Variants in MBD6 observed in about 807,000 individuals in gnomAD.
MBD6 encodes methyl-CpG-binding domain protein 6.
Under a neutral mutation model 66.8 loss-of-function variants are expected in MBD6, and 22 were observed. That is an observed-to-expected ratio of 0.33 (90% CI 0.24 to 0.47). The LOEUF (loss-of-function observed/expected upper bound fraction) is 0.47, where lower values mean the gene tolerates loss of function less well. Ranked by LOEUF, MBD6 falls within the 20% of genes least tolerant of loss-of-function variation. MBD6 has a pLI of 1.00. For synonymous variants in MBD6, 540 were observed against 534.6 expected, an observed-to-expected ratio of 1.01 and a Z score of -0.14; for missense variants, 1,322 against 1,286.9, an observed-to-expected ratio of 1.03 and a Z score of -0.42.
In MBD6 at chr12:57,527,157, C is replaced by G. The variant is rs767616733; in HGVS notation, c.2012C>G (p.Pro671Arg). 2.1e-5 allele frequency: 31 copies of G among 1,507,416 alleles called. No homozygotes were observed. The highest frequency in any genetic ancestry group is 2.7e-5 in the Non-Finnish European group (30 of 1,118,402). 93.4% of individuals were successfully genotyped at this position (1,507,416 alleles called of 1,614,324 possible). ...CTTTTCCCCCCACTTTCAGCCCCCC[C>G]TACCCTCATAGCTTTAAATTCTGCG... ...PLLFPPLSAP[P>R]TLIALNSALL... The change falls in exon 7 of 13, where the codon CCT becomes CGT. Residue 671 changes from proline (P) to arginine (R), a missense_variant. Pro to Arg is a moderately radical substitution (Grantham distance 103). Transcript: ENST00000355673.
In MBD6 at chr12:57,525,641, C is replaced by G. The variant is rs757832372; in HGVS notation, c.673C>G (p.Pro225Ala). The G allele has an allele frequency of 1.2e-6, 2 of 1,613,912 alleles. No individual in the cohort carries two copies. Among genetic ancestry groups the G allele is most frequent in the South Asian group, 1.1e-5 (1 of 91,084 alleles). The change falls in exon 6 of 13, where the codon CCC becomes GCC. Residue 225 changes from proline (P) to alanine (A), a missense_variant. Transcript: ENST00000355673. Reference sequence around the variant, plus strand: ...TCCACCTGCTATCAGCCTCAATGCTCCCTCATACAACTGGGGAGCTGCCCT... The same window carrying G: ...TCCACCTGCTATCAGCCTCAATGCTGCCTCATACAACTGGGGAGCTGCCCT... Reference protein sequence around the residue: ...PPPPAISLNAPSYNWGAALRS... With the variant: ...PPPPAISLNAASYNWGAALRS...
Position 57,524,727 on chromosome 12 carries a change from G to T in MBD6, c.121G>T (p.Gly41Cys). Residue 41 changes from glycine to cysteine, a missense_variant, in exon 4 of 13, where the codon GGC becomes TGC. Physicochemically the swap from Gly to Cys is radical, Grantham distance 159 (BLOSUM62 -3). Coordinates refer to ENST00000355673, the MANE Select transcript of MBD6 (RefSeq NM_052897.4). ...EGAVLYISPS[G>C]TELSSLEQTR... ...GACCCTGTCCTCTCGCAGTCCAAGT[G>T]GCACAGAGCTGTCTTCCTTGGAGCA... 1 of 1,614,142 alleles carries T rather than the reference G, an allele frequency of 6.2e-7. No individual in the cohort carries two copies. The highest frequency in any genetic ancestry group is 8.5e-7 in the Non-Finnish European group (1 of 1,180,016).
chr12:57,525,004 G>C lies in MBD6; in HGVS notation c.268G>C (p.Gly90Arg). 1.2e-6 allele frequency: 2 copies of C among 1,611,040 alleles called. No homozygotes were observed. The highest frequency in any genetic ancestry group is 1.3e-5 in the African/African-American group (1 of 74,922). The change falls in exon 5 of 13, where the codon GGG (glycine) becomes CGG (arginine). Residue 90 changes from glycine (G) to arginine (R), a missense_variant. Transcript: ENST00000355673. ...GGTGACCCCGGGTGGGGCTGGGGTG[G>C]GGCCAGCATCAGAGGAGGACATGAC... ...APVTPGGAGV[G>R]PASEEDMTKL... is the part of the protein sequence containing the mutation.
chr12:57,531,441 C>T (rs147687491), downstream of MBD6, among the ~76,000 whole-genome samples: 357 of 152,198 alleles, frequency 2.3e-3, 2 homozygotes, highest in African/African-American at 8.3e-3. Flanking sequence ...TGCTTGAGCC[C>T]GGGAGGTGGA....
intron 5 of MBD6, 53 bp from the exon 6 acceptor site, chr12:57,525,293 AAG>A (rs1342927151): frequency 1.3e-6 from 2 of 1,524,018 alleles, no homozygotes; most frequent in African/African-American, 1.4e-5. Context: ...GAGAAGACAA[AAG>A]AGTTTTTGGA....
chr12:57,527,253 AC>A, intron 7 of MBD6, 26 bp downstream of exon 7: 1 of 1,395,494 alleles, frequency 7.2e-7, no homozygotes, highest in Non-Finnish European at 9.7e-7. Context: ...AGTAGGTGGG[AC>A]AGAACAAGAT....
At chr12:57,527,815 A>G (rs753536685) in intron 8 of MBD6, 33 bp from the exon 9 acceptor site, 1 of 1,608,596 alleles carries the variant, frequency 6.2e-7, no homozygotes, top group East Asian at 2.2e-5. Flanking sequence ...TGGTTTGCCT[A>G]GGGAGAGACC....
rs773767141 is a variant in MBD6 at position 57,525,949 on chromosome 12, G to A, written c.981G>A (p.Ala327=). The A allele has an allele frequency of 1.1e-4, 178 of 1,612,574 alleles. No individual in the cohort carries two copies. The highest frequency in any genetic ancestry group is 2.5e-4 in the East Asian group (11 of 44,798). ...PFLASSLLSA[A]AKAQHPPLPP... The stretch of plus-strand genomic sequence containing the variant: ...TTGCTAGCAGCCTACTCTCTGCAGC[G>A]GCCAAGGCACAGCATCCCCCACTAC... The change falls in exon 6 of 13, where the codon GCG becomes GCA. Residue 327 remains alanine, a synonymous_variant. Transcript: ENST00000355673.
chr12:57,525,741 C>G lies in MBD6; in HGVS notation c.773C>G (p.Pro258Arg), dbSNP rs1289022955. The G allele has an allele frequency of 8.1e-6, 13 of 1,614,018 alleles. No homozygotes were observed. Among genetic ancestry groups the G allele is most frequent in the Non-Finnish European group, 1.1e-5 (13 of 1,179,962 alleles). ...GCCTCCTCCTCACCACCTTCAGACC[C>G]TCCTCTCTTCCACTGTAGTGATGCC... ...PHASSSPPSD[P>R]PLFHCSDALT... The change falls in exon 6 of 13, where the codon CCT becomes CGT. Residue 258 changes from proline to arginine, a missense_variant. Pro to Arg is a moderately radical substitution (Grantham distance 103). Coordinates refer to ENST00000355673, the MANE Select transcript of MBD6 (RefSeq NM_052897.4).
At chr12:57,528,121 C>A in intron 9 of MBD6, 26 bp from the exon 10 acceptor site, 1 of 1,563,874 alleles carries the variant, frequency 6.4e-7, no homozygotes, top group Non-Finnish European at 8.6e-7. Flanking sequence ...TTGAGATTGA[C>A]TGAGAACTTA....
chr12:57,527,220 C>A lies in MBD6; in HGVS notation c.2075C>A (p.Pro692His). 4 of 1,505,582 alleles carry A rather than the reference C, an allele frequency of 2.7e-6. No homozygotes were observed. The highest frequency in any genetic ancestry group is 2.7e-6 in the Non-Finnish European group (3 of 1,127,878). 93.3% of individuals were successfully genotyped at this position (1,505,582 alleles called of 1,614,324 possible). A position where few individuals can be genotyped will look rare whatever the true frequency, so the allele number is the denominator to read the frequency against. Reference protein sequence around the residue: ...AATLDPPSGTPPQPCVLSAPQ... With the variant: ...AATLDPPSGTHPQPCVLSAPQ... ...ACCCTGGATCCCCCCTCGGGGACAC[C>A]CCCCCAGGTGAGGATGGGGGTGAGT... Residue 692 changes from proline to histidine, a missense_variant, in exon 7 of 13, where the codon CCC becomes CAC. Physicochemically the swap from Pro to His is moderately conservative, Grantham distance 77. Coordinates refer to ENST00000355673, the MANE Select transcript of MBD6 (RefSeq NM_052897.4).
At chr12:57,526,486 G>T in intron 6 of MBD6, 80 bp from the exon 7 acceptor site, 4 of 1,512,062 alleles carry the variant, frequency 2.6e-6, no homozygotes, top group Non-Finnish European at 3.5e-6. Flanking sequence ...GGTTTTCTGG[G>T]TTGGGGGCAG....
rs770168389 is a variant in MBD6, at chr12:57,526,008, G to A, written c.1040G>A (p.Arg347His). Residue 347 changes from arginine to histidine, a missense_variant, in exon 6 of 13, where the codon CGT becomes CAT. Transcript: ENST00000355673. Reference sequence around the variant, plus strand: ...AGCACTTTACAGGGCCGAAGGCCCCGTGCCCAGGCACCCTCAGCTTCCCAC... The same window carrying A: ...AGCACTTTACAGGGCCGAAGGCCCCATGCCCAGGCACCCTCAGCTTCCCAC... ...PPSTLQGRRPRAQAPSASHSS... is the reference protein window; with the variant it reads ...PPSTLQGRRPHAQAPSASHSS... The A allele has an allele frequency of 6.8e-6, 11 of 1,610,546 alleles. No individual in the cohort carries two copies. The highest frequency in any genetic ancestry group is 4.5e-5 in the East Asian group (2 of 44,730).
Position 57,528,692 on chromosome 12 carries a change from TC to T in MBD6, c.2848del (p.Arg950ValfsTer63). The T allele has an allele frequency of 6.2e-7, 1 of 1,614,184 alleles. No homozygotes were observed. On this transcript the variant is annotated frameshift_variant, in exon 11 of 13. Coordinates refer to ENST00000355673, the MANE Select transcript of MBD6 (RefSeq NM_052897.4). LOFTEE classifies it high-confidence loss of function. Reference sequence around the variant, plus strand: ...TGCCCCCGGGAGTAGTCAGAAAGTCTCGTCGTGGCCGTAGGAGAAAATACAA... The same window carrying T: ...TGCCCCCGGGAGTAGTCAGAAAGTCTGTCGTGGCCGTAGGAGAAAATACAA... The part of the protein sequence containing the change: ...KVPPGVVRKS[R>X]RGRRRKYNPT...
chr12:57,530,720 A>G (rs369187818), downstream of MBD6: 32 of 1,613,928 alleles, frequency 2.0e-5, no homozygotes, highest in Middle Eastern at 1.7e-4. Context: ...CCGTTCATCA[A>G]TGCTGGCAAA....
In MBD6 at chr12:57,526,031, C is replaced by T. The variant is rs1250627144; in HGVS notation, c.1063C>T (p.His355Tyr). 9 of 1,614,048 alleles carry T rather than the reference C, an allele frequency of 5.6e-6. No homozygotes were observed. The highest frequency in any genetic ancestry group is 7.6e-6 in the Non-Finnish European group (9 of 1,179,990). ...RPRAQAPSAS[H>Y]SSSLRPSQRR... is the part of the protein sequence containing the mutation. ...CCGTGCCCAGGCACCCTCAGCTTCC[C>T]ACTCCTCATCACTTCGTCCCTCTCA... Residue 355 changes from histidine to tyrosine, a missense_variant, in exon 6 of 13, where the codon CAC (histidine) becomes TAC (tyrosine). Physicochemically the swap from His to Tyr is moderately conservative, Grantham distance 83. Coordinates refer to ENST00000355673, the MANE Select transcript of MBD6 (RefSeq NM_052897.4).
In MBD6 at chr12:57,527,083, G is replaced by C; in HGVS notation, c.1938G>C (p.Gly646=). The change falls in exon 7 of 13, where the codon GGG becomes GGC. Residue 646 remains glycine (G), a synonymous_variant. Transcript: ENST00000355673. ...GDGEGSAEGA[G]GPSGEPFSGL... is the part of the protein sequence containing the mutation. ...GGGAGGGATCTGCAGAGGGAGCCGG[G>C]GGTCCAAGTGGGGAGCCATTTTCAG... The C allele has an allele frequency of 6.3e-7, 1 of 1,599,098 alleles. No homozygotes were observed. The highest frequency in any genetic ancestry group is 8.5e-7 in the Non-Finnish European group (1 of 1,171,092).
intron 7 of MBD6, 103 bp downstream of exon 7, chr12:57,527,330 G>A (rs2140090488): frequency 1.8e-6 from 2 of 1,106,516 alleles, no homozygotes; most frequent in Non-Finnish European, 2.5e-6. Context: ...CTTCCTTGGG[G>A]CCTTTGGGGA....
At chr12:57,530,520 T>C (rs1037663340), downstream of MBD6, 8 of 572,870 alleles carry the variant, frequency 1.4e-5, no homozygotes, top group African/African-American at 1.5e-4. Flanking sequence ...GCTACCACTC[T>C]GTATTCATCA....
Sources: gnomAD v4.1 joint callset for allele counts (sites outside exome capture counted in the v4.1 genomes callset) on GRCh38, gnomAD v4.1.1 for gene constraint, MANE v1.5 for transcripts, NCBI Gene and HGNC (gene_info 2026-07-23, HGNC 2026-07-21) for gene names.